Variants in PCDH15 observed in about 807,000 individuals in gnomAD.
PCDH15 encodes protocadherin-15.
Under a neutral mutation model 178.5 loss-of-function variants are expected in PCDH15, and 129 were observed. The ratio of observed to expected loss-of-function variants is 0.72; its 90% CI spans 0.63 to 0.84. The LOEUF is 0.84. Ranked by LOEUF, PCDH15 falls within the 40% of genes least tolerant of loss-of-function variation. The pLI, the probability that PCDH15 is intolerant of heterozygous loss-of-function variation, is 0.00. For missense variants in PCDH15, 2,230 were observed against 2,099.9 expected (o/e 1.06, Z -1.21); for synonymous variants, 800 against 732.0 (o/e 1.09, Z -1.50).
intron 2 of PCDH15, among the ~76,000 whole-genome samples, chr10:55,089,343 G>A (rs1842257873): frequency 6.6e-6 from 1 of 152,084 alleles, no homozygotes; most frequent in South Asian, 2.1e-4. Context: ...TAGTTAATAA[G>A]AAGTTGAATA....
At chr10:54,509,920 A>T (rs992384765) in intron 3 of PCDH15, among the ~76,000 whole-genome samples, 3 of 152,150 alleles carry the variant, frequency 2.0e-5, no homozygotes, top group Admixed American at 1.3e-4. Context: ...CCACATGCCG[A>T]TCATGCACTG....
chr10:54,465,279 C>T (rs529314410), intron 3 of PCDH15, among the ~76,000 whole-genome samples: 4 of 151,950 alleles, frequency 2.6e-5, no homozygotes, highest in Non-Finnish European at 5.9e-5. Flanking sequence ...TCTCTTGTGT[C>T]TATTTAGAAA....
At chr10:55,395,882 T>A (rs1439014933) in intron 2 of PCDH15, among the ~76,000 whole-genome samples, 2 of 152,192 alleles carry the variant, frequency 1.3e-5, no homozygotes, top group Middle Eastern at 3.4e-3. Context: ...ACAAACTTAT[T>A]ATACAATGCA....
At chr10:54,036,622 G>A (rs1327839336) in intron 18 of PCDH15, among the ~76,000 whole-genome samples, 1 of 151,864 alleles carries the variant, frequency 6.6e-6, no homozygotes, top group African/African-American at 2.4e-5. Context: ...TGCTCATTGA[G>A]AATGCACCTG....
At chr10:55,472,989 C>A (rs937048136) in intron 2 of PCDH15, among the ~76,000 whole-genome samples, 12 of 151,944 alleles carry the variant, frequency 7.9e-5, no homozygotes, top group African/African-American at 2.9e-4. Flanking sequence ...TATACATGTA[C>A]CCTGCTAATA....
intron 2 of PCDH15, among the ~76,000 whole-genome samples, chr10:55,483,295 TA>T (rs1219719045): frequency 2.0e-5 from 3 of 151,154 alleles, no homozygotes; most frequent in African/African-American, 7.3e-5. Flanking sequence ...AAAAAATCCA[TA>T]AAAAAGTGGG....
At chr10:54,791,977 C>T (rs1293455596) in intron 1 of PCDH15, among the ~76,000 whole-genome samples, 1 of 151,766 alleles carries the variant, frequency 6.6e-6, no homozygotes, top group Non-Finnish European at 1.5e-5. Context: ...GCCCTGTACA[C>T]AACACAATTA....
chr10:54,836,114 A>G (rs1953311677), intron 3 of PCDH15, among the ~76,000 whole-genome samples: 1 of 152,180 alleles, frequency 6.6e-6, no homozygotes, highest in Admixed American at 6.5e-5. Context: ...TAATAAGTTA[A>G]AAAACATTTG....
At chr10:55,554,537 G>C (rs1030709778) in intron 2 of PCDH15, among the ~76,000 whole-genome samples, 7 of 151,854 alleles carry the variant, frequency 4.6e-5, no homozygotes, top group African/African-American at 1.7e-4. Context: ...GACTGTGCAG[G>C]GTCACTCCTA....
chr10:54,770,262 C>T (rs1289533252), intron 1 of PCDH15, among the ~76,000 whole-genome samples: 2 of 152,102 alleles, frequency 1.3e-5, no homozygotes, highest in Admixed American at 1.3e-4. Context: ...GATACCATGA[C>T]ATATTACATT....
intron 2 of PCDH15, among the ~76,000 whole-genome samples, chr10:55,425,698 A>G (rs2132050789): frequency 6.6e-6 from 1 of 152,210 alleles, no homozygotes; most frequent in South Asian, 2.1e-4. Flanking sequence ...ACTCATTAAA[A>G]CTTCTGATAT....
chr10:55,298,593 AT>A (rs71461290), intron 1 of PCDH15, among the ~76,000 whole-genome samples: 57 of 148,428 alleles, frequency 3.8e-4, no homozygotes, highest in Non-Finnish European at 5.6e-4. Context: ...TTATTTATTT[AT>A]TTTTTTTTTT....
At chr10:55,003,492 A>G (rs1839845405) in intron 2 of PCDH15, among the ~76,000 whole-genome samples, 3 of 151,046 alleles carry the variant, frequency 2.0e-5, no homozygotes, top group African/African-American at 7.3e-5. Flanking sequence ...TGAAGTATTT[A>G]TAGCCTTTAA....
intron 20 of PCDH15, among the ~76,000 whole-genome samples, chr10:54,003,393 C>T (rs1564981159): frequency 6.6e-6 from 1 of 151,028 alleles, no homozygotes; most frequent in Admixed American, 6.6e-5. Context: ...GAGAGAAGAC[C>T]CAAATAAATA....
chr10:53,857,071 C>A (rs956566719), intron 28 of PCDH15, 104 bp downstream of exon 28: 2 of 838,014 alleles, frequency 2.4e-6, no homozygotes, highest in African/African-American at 1.8e-5. Context: ...ATCCATGTAA[C>A]ACACCTGCAC....
chr10:54,686,563 TA>T lies in PCDH15; in HGVS notation c.-28-22274del, dbSNP rs545092348. Among the ~76,000 whole-genome samples, 1,183 of 152,236 alleles carry T rather than the reference TA, an allele frequency of 7.8e-3. 14 individuals are homozygous for T. Among genetic ancestry groups the T allele is most frequent in the Non-Finnish European group, 0.013 (870 of 68,004 alleles). On this transcript the variant is annotated intron_variant, in intron 1 of 37. Coordinates refer to ENST00000644397, the MANE Select transcript of PCDH15 (RefSeq NM_001384140.1). ...GATTTGAGTCTTACATTTACGTCAA[TA>T]ACCTATTTTGAATTTTTTGTGTGTA...
intron 2 of PCDH15, among the ~76,000 whole-genome samples, chr10:55,002,567 T>C (rs1432075036): frequency 3.3e-5 from 5 of 152,280 alleles, no homozygotes; most frequent in Admixed American, 3.3e-4. Flanking sequence ...GAGAGAATGA[T>C]AGGACTTTCT....
chr10:54,720,260 C>A (rs1318490127), intron 1 of PCDH15, among the ~76,000 whole-genome samples: 3 of 151,886 alleles, frequency 2.0e-5, no homozygotes, highest in Non-Finnish European at 2.9e-5. Context: ...TTTATTGCAG[C>A]ACTTGGATTG....
chr10:54,335,594 C>T (rs1042455916), intron 6 of PCDH15, among the ~76,000 whole-genome samples: 2 of 152,118 alleles, frequency 1.3e-5, no homozygotes, highest in Non-Finnish European at 2.9e-5. Flanking sequence ...AAAGGGAAAT[C>T]ACTTTCACTT....
Sources: allele counts gnomAD v4.1 joint callset (sites outside exome capture counted in the v4.1 genomes callset), GRCh38; gene constraint gnomAD v4.1.1; transcripts MANE v1.5; gene names NCBI Gene and HGNC (gene_info 2026-07-23, HGNC 2026-07-21).